VEPH1: variants seen among roughly 807,000 people sequenced by gnomAD.
VEPH1 encodes the protein ventricular zone expressed PH domain containing 1.
VEPH1 carries 80 observed loss-of-function variants against 85.2 expected under a neutral mutation model. The ratio of observed to expected loss-of-function variants is 0.94; its 90% CI spans 0.78 to 1.13. VEPH1 has a LOEUF of 1.13. Ranked by LOEUF, VEPH1 falls within the 50% of genes most tolerant of loss-of-function variation. The pLI is 0.00. For synonymous variants in VEPH1, 297 were observed against 348.0 expected (o/e 0.85, Z 1.63); for missense variants, 955 against 980.5 (o/e 0.97, Z 0.35).
At chr3:157,365,689 C>A (rs1049257474) in intron 7 of VEPH1, among the ~76,000 whole-genome samples, 2 of 152,078 alleles carry the variant, frequency 1.3e-5, no homozygotes. Flanking sequence ...CAGGAAAACA[C>A]TTTAACTTAT....
chr3:157,294,525 T>G (rs1422063827), intron 11 of VEPH1, among the ~76,000 whole-genome samples: 1 of 152,246 alleles, frequency 6.6e-6, no homozygotes, highest in Non-Finnish European at 1.5e-5. Context: ...ATGGTGTGCA[T>G]CCACCACCCC....
chr3:157,347,319 A>G (rs903662754), intron 9 of VEPH1, among the ~76,000 whole-genome samples: 24 of 152,232 alleles, frequency 1.6e-4, no homozygotes, highest in Non-Finnish European at 3.2e-4. Flanking sequence ...TTTCCTGGGG[A>G]AAAAACTCAT....
At chr3:157,267,436 A>G in intron 12 of VEPH1, among the ~76,000 whole-genome samples, 1 of 150,332 alleles carries the variant, frequency 6.7e-6, no homozygotes, top group Admixed American at 6.7e-5. Flanking sequence ...TATTAAGGCT[A>G]TTTTTTTTTC....
intron 4 of VEPH1, chr3:157,437,419 G>A (rs1048879943): frequency 4.2e-5 from 62 of 1,461,426 alleles, no homozygotes; most frequent in Admixed American, 1.0e-4. Context: ...GGAACGGGCT[G>A]CAACTTGGCA....
intron 5 of VEPH1, among the ~76,000 whole-genome samples, chr3:157,416,650 T>C (rs1323855376): frequency 6.6e-6 from 1 of 152,198 alleles, no homozygotes; most frequent in Non-Finnish European, 1.5e-5. Flanking sequence ...CTTTGTGACA[T>C]GTGCTTCTAG....
At chr3:157,473,910 A>C (rs993935512) in intron 2 of VEPH1, among the ~76,000 whole-genome samples, 9 of 152,308 alleles carry the variant, frequency 5.9e-5, no homozygotes, top group African/African-American at 2.2e-4. Flanking sequence ...TAGATCTATC[A>C]ATATGATAAA....
chr3:157,485,305 G>A (rs1738518040), intron 2 of VEPH1, among the ~76,000 whole-genome samples: 1 of 152,144 alleles, frequency 6.6e-6, no homozygotes, highest in Non-Finnish European at 1.5e-5. Flanking sequence ...AGAACAATAT[G>A]ACAAGTTCCT....
intron 7 of VEPH1, among the ~76,000 whole-genome samples, chr3:157,369,180 G>GAAAAAAAAAAAAAAAAACAAAAAAAAA (rs1727125257): frequency 2.3e-5 from 1 of 42,780 alleles, no homozygotes; most frequent in African/African-American, 8.4e-5. Flanking sequence ...AAAACCAAAT[G>GAAAAAAAAAAAAAAAAACAAAAAAAAA]AAAAAAAAAA....
intron 2 of VEPH1, among the ~76,000 whole-genome samples, chr3:157,475,256 G>C (rs970967290): frequency 1.3e-5 from 2 of 149,684 alleles, no homozygotes; most frequent in African/African-American, 5.0e-5. Context: ...GCTTCCCAAA[G>C]TGCTGGGATT....
intron 6 of VEPH1, among the ~76,000 whole-genome samples, chr3:157,398,316 C>T (rs1450730502): frequency 6.6e-6 from 1 of 152,120 alleles, no homozygotes; most frequent in African/African-American, 2.4e-5. Flanking sequence ...TACCAAGGCC[C>T]AGTAGCAGGC....
At chr3:157,295,051 T>C (rs1313423981) in intron 11 of VEPH1, among the ~76,000 whole-genome samples, 1 of 152,102 alleles carries the variant, frequency 6.6e-6, no homozygotes, top group Non-Finnish European at 1.5e-5. Context: ...GGACAGCTGT[T>C]CCACCCCCTA....
At position 157,434,350 on chromosome 3, in the gene VEPH1, C is replaced by T. The variant is rs559363309; in HGVS notation, c.530-5862G>A. ...TCTTTTTTTCAGGGTCTCTTTCTGT[C>T]GCCCAGGCTGGAACGCAGTGGTGTG... On this transcript the variant is annotated intron_variant, in intron 4 of 13. Transcript: ENST00000362010. 6.6e-5 allele frequency among the ~76,000 whole-genome samples: 10 copies of T among 152,116 alleles called. No individual in the cohort carries two copies. The East Asian group carries it at 1.2e-3, about 18-fold the overall frequency.
chr3:157,335,798 C>T (rs1047616785), intron 9 of VEPH1, among the ~76,000 whole-genome samples: 5 of 152,100 alleles, frequency 3.3e-5, no homozygotes, highest in Non-Finnish European at 7.4e-5. Context: ...GTTAGTGAAG[C>T]CTCTTATATG....
intron 4 of VEPH1, chr3:157,437,927 G>A (rs1233785727): frequency 6.5e-7 from 1 of 1,528,558 alleles, no homozygotes; most frequent in Admixed American, 2.0e-5. Context: ...AAGGAGGCAA[G>A]CGGGGCCGGG....
At chr3:157,306,402 C>A (rs755750444) in intron 11 of VEPH1, among the ~76,000 whole-genome samples, 1 of 152,066 alleles carries the variant, frequency 6.6e-6, no homozygotes, top group Non-Finnish European at 1.5e-5. Context: ...TTTATGCTAT[C>A]ATAGTATTCA....
intron 11 of VEPH1, among the ~76,000 whole-genome samples, chr3:157,289,117 G>A (rs1717154382): frequency 1.3e-5 from 2 of 152,196 alleles, no homozygotes; most frequent in African/African-American, 4.8e-5. Flanking sequence ...ATGTTCATAA[G>A]TATCAGTTTC....
chr3:157,268,873 G>A (rs1047023354), intron 12 of VEPH1, among the ~76,000 whole-genome samples: 12 of 152,056 alleles, frequency 7.9e-5, no homozygotes, highest in South Asian at 6.2e-4. Context: ...TCAGCCTCCC[G>A]AGTAGCTGGG....
chr3:157,403,999 C>T (rs73020273), intron 6 of VEPH1, among the ~76,000 whole-genome samples: 3,962 of 152,192 alleles, frequency 0.026, 191 homozygotes, highest in African/African-American at 0.091. Context: ...GCTGCTGGTC[C>T]GGACACTTTG....
intron 11 of VEPH1, among the ~76,000 whole-genome samples, chr3:157,307,412 TGTG>T (rs1209249870): frequency 6.6e-6 from 1 of 151,980 alleles, no homozygotes; most frequent in Admixed American, 6.5e-5. Context: ...CTTTAATTTA[TGTG>T]GAGTTAATTG....
Sources: allele counts gnomAD v4.1 joint callset (sites outside exome capture counted in the v4.1 genomes callset), GRCh38; gene constraint gnomAD v4.1.1; transcripts MANE v1.5; gene names NCBI Gene and HGNC (gene_info 2026-07-23, HGNC 2026-07-21).